DENND1A: variants seen among roughly 807,000 people sequenced by gnomAD.
DENND1A encodes the protein DENN domain-containing protein 1A.
DENND1A carries 51 observed loss-of-function variants against 113.7 expected under a neutral mutation model. The observed-to-expected ratio is 0.45, with a 90% CI of 0.36 to 0.57. The LOEUF (loss-of-function observed/expected upper bound fraction) is 0.57, where lower values mean the gene tolerates loss of function less well. Among genes scored for constraint, DENND1A ranks in the 20% least tolerant of loss-of-function variants. DENND1A has a pLI of 0.00. For synonymous variants in DENND1A, 565 were observed against 570.8 expected (o/e 0.99, Z 0.14); for missense variants, 1,258 against 1,395.9 (o/e 0.90, Z 1.57).
chr9:123,641,056 G>A (rs16926721), intron 9 of DENND1A, among the ~76,000 whole-genome samples: 1 of 151,936 alleles, frequency 6.6e-6, no homozygotes, highest in Non-Finnish European at 1.5e-5. Flanking sequence ...TGCACTTACC[G>A]ATGATTTCAT....
chr9:123,803,654 C>A (rs913550855), intron 2 of DENND1A, among the ~76,000 whole-genome samples: 6 of 152,202 alleles, frequency 3.9e-5, no homozygotes, highest in Non-Finnish European at 8.8e-5. Context: ...CTCCACCAAT[C>A]CTCCTGTTTT....
At chr9:123,763,823 T>C (rs1288366794) in intron 4 of DENND1A, among the ~76,000 whole-genome samples, 10 of 152,144 alleles carry the variant, frequency 6.6e-5, no homozygotes, top group Non-Finnish European at 1.3e-4. Context: ...ATGGAGGTTT[T>C]AGATGACCTC....
At chr9:123,866,449 A>C (rs1468361161) in intron 2 of DENND1A, among the ~76,000 whole-genome samples, 1 of 152,246 alleles carries the variant, frequency 6.6e-6, no homozygotes, top group Non-Finnish European at 1.5e-5. Context: ...AAAGAAAATT[A>C]GTCAGTTCAG....
At chr9:123,591,502 A>AAG (rs1457462763) in intron 11 of DENND1A, among the ~76,000 whole-genome samples, 1 of 152,240 alleles carries the variant, frequency 6.6e-6, no homozygotes, top group East Asian at 1.9e-4. Context: ...GCTGTGCAGC[A>AAG]AGACAGGACA....
chr9:123,828,408 C>T (rs541160), intron 2 of DENND1A, among the ~76,000 whole-genome samples: 44,196 of 151,632 alleles, frequency 0.29, 10,248 homozygotes, highest in African/African-American at 0.65. Flanking sequence ...TGTGACTAGG[C>T]CTAACTTGTA....
chr9:123,560,003 T>G lies in DENND1A; in HGVS notation c.868-2308A>C, dbSNP rs902681951. Among the ~76,000 whole-genome samples, 3 of 118,320 alleles carry G rather than the reference T, an allele frequency of 2.5e-5. No individual in the cohort carries two copies. In the East Asian group the frequency reaches 6.2e-4, roughly 25 times the overall value. 77.6% of individuals were successfully genotyped at this position (118,320 alleles called of 152,430 possible). On this transcript the variant is annotated intron_variant, in intron 12 of 23. Transcript: ENST00000394215. ...TTTTATGAACAAGGTTCGTCCATGTTGTAGCATTGTGTCAAGACTTCATAC... is the reference window on the plus strand; with the variant it reads ...TTTTATGAACAAGGTTCGTCCATGTGGTAGCATTGTGTCAAGACTTCATAC...
At chr9:123,703,215 C>G (rs1037943525) in intron 5 of DENND1A, among the ~76,000 whole-genome samples, 24 of 152,180 alleles carry the variant, frequency 1.6e-4, no homozygotes, top group Non-Finnish European at 5.9e-5. Context: ...TCTCGAACTC[C>G]TGGACTCAAG....
intron 9 of DENND1A, among the ~76,000 whole-genome samples, chr9:123,637,784 G>A (rs2061780928): frequency 6.6e-6 from 1 of 152,138 alleles, no homozygotes; most frequent in Non-Finnish European, 1.5e-5. Context: ...CTTAGCAGCT[G>A]AAATGCAGGG....
chr9:123,590,078 C>T (rs538546117), intron 11 of DENND1A, among the ~76,000 whole-genome samples: 1 of 152,188 alleles, frequency 6.6e-6, no homozygotes, highest in Admixed American at 6.5e-5. Flanking sequence ...CCCTAACAGG[C>T]ACTCATCAGT....
intron 1 of DENND1A, among the ~76,000 whole-genome samples, chr9:123,904,108 G>A (rs529789177): frequency 0.038 from 5,765 of 152,124 alleles, 114 homozygotes; most frequent in Middle Eastern, 0.048. Context: ...CCCAGCAGGG[G>A]CACACTGACA....
intron 8 of DENND1A, among the ~76,000 whole-genome samples, chr9:123,662,714 G>A (rs1003794416): frequency 1.3e-5 from 2 of 152,154 alleles, no homozygotes; most frequent in Non-Finnish European, 2.9e-5. Flanking sequence ...GAATGCTTAC[G>A]TGACAAAAAG....
At chr9:123,744,273 A>G (rs1043145373) in intron 5 of DENND1A, among the ~76,000 whole-genome samples, 5 of 152,170 alleles carry the variant, frequency 3.3e-5, no homozygotes, top group African/African-American at 1.2e-4. Flanking sequence ...ACATATAAAA[A>G]TTTGTCTCTT....
chr9:123,869,669 T>C (rs775273792), intron 2 of DENND1A, among the ~76,000 whole-genome samples: 3 of 152,156 alleles, frequency 2.0e-5, no homozygotes, highest in Non-Finnish European at 2.9e-5. Flanking sequence ...TCCATGTCTT[T>C]TGAGTGAGTG....
chr9:123,724,006 C>A (rs1317315013), intron 5 of DENND1A, among the ~76,000 whole-genome samples: 3 of 152,204 alleles, frequency 2.0e-5, no homozygotes. Flanking sequence ...CTAACACCCA[C>A]CATATTCTAG....
intron 12 of DENND1A, among the ~76,000 whole-genome samples, chr9:123,582,504 A>G (rs964433061): frequency 3.3e-5 from 5 of 151,616 alleles, no homozygotes; most frequent in African/African-American, 1.2e-4. Context: ...GGTTCAAGCA[A>G]TTCTCCTGCC....
intron 9 of DENND1A, among the ~76,000 whole-genome samples, chr9:123,631,446 A>G (rs2061472138): frequency 6.6e-6 from 1 of 152,234 alleles, no homozygotes; most frequent in South Asian, 2.1e-4. Flanking sequence ...AAATGCAAAG[A>G]ATACCCAGCC....
At chr9:123,704,006 C>T (rs1274818441) in intron 5 of DENND1A, among the ~76,000 whole-genome samples, 1 of 151,776 alleles carries the variant, frequency 6.6e-6, no homozygotes, top group African/African-American at 2.4e-5. Context: ...TTAGTTCATC[C>T]ATTTTGGCCT....
chr9:123,472,778 C>A (rs1324672533), intron 13 of DENND1A, among the ~76,000 whole-genome samples: 6 of 152,230 alleles, frequency 3.9e-5, no homozygotes. Context: ...CTCCTCATTC[C>A]CCAAACTTCC....
chr9:123,873,538 T>C (rs1442861599), intron 2 of DENND1A, among the ~76,000 whole-genome samples: 2 of 152,346 alleles, frequency 1.3e-5, no homozygotes, highest in Middle Eastern at 3.4e-3. Flanking sequence ...GTTTTAGGTA[T>C]GGTTTGAAGT....
Sources: allele counts gnomAD v4.1 joint callset (sites outside exome capture counted in the v4.1 genomes callset), GRCh38; gene constraint gnomAD v4.1.1; transcripts MANE v1.5; gene names NCBI Gene and HGNC (gene_info 2026-07-23, HGNC 2026-07-21).